Variants in RAD51B observed in about 807,000 individuals in gnomAD.
RAD51B encodes the protein RAD51 paralog B.
A neutral mutation model predicts 42.2 loss-of-function variants in RAD51B; 38 were observed. That is an observed-to-expected ratio of 0.90 (90% confidence interval 0.70 to 1.18). The LOEUF is 1.18. RAD51B is among the 50% of genes most tolerant of loss of function. The pLI, the probability that RAD51B is intolerant of heterozygous loss-of-function variation, is 0.00. For synonymous variants in RAD51B, 154 were observed against 145.2 expected, an observed-to-expected ratio of 1.06 and a Z score of -0.43; for missense variants, 373 against 400.7, an observed-to-expected ratio of 0.93 and a Z score of 0.59.
chr14:68,401,113 A>G (rs1026759901), intron 8 of RAD51B, among the ~76,000 whole-genome samples: 2 of 152,224 alleles, frequency 1.3e-5, no homozygotes, highest in Non-Finnish European at 2.9e-5. Context: ...CAGACACAGC[A>G]GAGAATCCTA....
At chr14:68,031,018 G>A (rs2076033034) in intron 7 of RAD51B, among the ~76,000 whole-genome samples, 1 of 152,228 alleles carries the variant, frequency 6.6e-6, no homozygotes, top group Non-Finnish European at 1.5e-5. Context: ...CTTATAAGGT[G>A]TGTTTGATAG....
At chr14:68,503,521 C>T (rs192858688) in intron 10 of RAD51B, among the ~76,000 whole-genome samples, 58 of 152,262 alleles carry the variant, frequency 3.8e-4, no homozygotes, top group African/African-American at 1.3e-3. Context: ...TATTACCTTA[C>T]CCTGGGAGAT....
At chr14:68,623,058 G>A (rs1281528752) in intron 10 of RAD51B, among the ~76,000 whole-genome samples, 3 of 152,204 alleles carry the variant, frequency 2.0e-5, no homozygotes, top group African/African-American at 7.2e-5. Context: ...CGGGAGGCAA[G>A]GGGAGAATAG....
At chr14:68,262,202 T>C (rs1200265752) in intron 7 of RAD51B, among the ~76,000 whole-genome samples, 1 of 152,070 alleles carries the variant, frequency 6.6e-6, no homozygotes, top group Non-Finnish European at 1.5e-5. Flanking sequence ...AGAGTAGCAG[T>C]GTGGAAAGAG....
intron 10 of RAD51B, among the ~76,000 whole-genome samples, chr14:68,621,015 G>A (rs1343036472): frequency 1.3e-5 from 2 of 152,214 alleles, no homozygotes; most frequent in Admixed American, 1.3e-4. Context: ...GGAGACTGGA[G>A]GGGACGGGGC....
chr14:68,165,233 TTTTAAAATCAC>T (rs1391814744), intron 7 of RAD51B, among the ~76,000 whole-genome samples: 1 of 152,166 alleles, frequency 6.6e-6, no homozygotes, highest in Non-Finnish European at 1.5e-5. Flanking sequence ...TGTATGGAGA[TTTTAAAATCAC>T]TTTAAAATGA....
At chr14:68,121,950 CTT>C (rs1491430397) in intron 7 of RAD51B, among the ~76,000 whole-genome samples, 3 of 151,514 alleles carry the variant, frequency 2.0e-5, no homozygotes, top group African/African-American at 7.3e-5. Flanking sequence ...ATATACATAT[CTT>C]ATATATATAT....
intron 10 of RAD51B, among the ~76,000 whole-genome samples, chr14:68,536,786 A>C (rs1887645313): frequency 6.6e-6 from 1 of 152,062 alleles, no homozygotes; most frequent in Non-Finnish European, 1.5e-5. Context: ...TTCTTTCATT[A>C]AAAATTGAGA....
intron 7 of RAD51B, among the ~76,000 whole-genome samples, chr14:68,012,526 A>G (rs1159737549): frequency 1.3e-5 from 2 of 152,136 alleles, no homozygotes; most frequent in Admixed American, 6.6e-5. Context: ...AGTTTGCCAA[A>G]CCCTGGTCTA....
intron 5 of RAD51B, 178 bp from the exon 6 acceptor site, chr14:67,885,691 C>A: frequency 1.5e-6 from 1 of 650,038 alleles, no homozygotes; most frequent in Non-Finnish European, 2.2e-6. Flanking sequence ...GACTGCTAAC[C>A]TCTGTTAGTG....
At chr14:68,627,458 TC>T (rs1892112500) in intron 10 of RAD51B, 2 of 152,318 alleles carry the variant, frequency 1.3e-5, no homozygotes, top group Admixed American at 1.3e-4. Flanking sequence ...CTCCTTTGAG[TC>T]CTTGCACTCC....
At chr14:68,060,610 AT>A (rs2076552114) in intron 7 of RAD51B, among the ~76,000 whole-genome samples, 1 of 152,158 alleles carries the variant, frequency 6.6e-6, no homozygotes, top group African/African-American at 2.4e-5. Context: ...AGATCTTGAA[AT>A]TTTCGTCCAA....
At chr14:68,569,627 C>G (rs555595356) in intron 10 of RAD51B, among the ~76,000 whole-genome samples, 1 of 152,226 alleles carries the variant, frequency 6.6e-6, no homozygotes, top group Non-Finnish European at 1.5e-5. Flanking sequence ...CTATGGGACA[C>G]CTCTGCCCGC....
chr14:68,673,838 CAT>C (rs1202998955), intron 11 of RAD51B, among the ~76,000 whole-genome samples: 1 of 149,954 alleles, frequency 6.7e-6, no homozygotes, highest in African/African-American at 2.5e-5. Flanking sequence ...TGTACATACA[CAT>C]ATGTACATGC....
chr14:68,409,047 T>C (rs1202892589), intron 8 of RAD51B, among the ~76,000 whole-genome samples: 1 of 151,860 alleles, frequency 6.6e-6, no homozygotes, highest in African/African-American at 2.4e-5. Flanking sequence ...GGCCAGTGGG[T>C]GTGGGATTTC....
intron 4 of RAD51B, among the ~76,000 whole-genome samples, chr14:67,853,265 G>C (rs560659999): frequency 2.0e-5 from 3 of 152,334 alleles, no homozygotes; most frequent in African/African-American, 7.2e-5. Flanking sequence ...GCTCAGCTGA[G>C]ATCTTGATTT....
At chr14:68,673,114 CA>C (rs1161891951) in intron 11 of RAD51B, among the ~76,000 whole-genome samples, 17 of 152,138 alleles carry the variant, frequency 1.1e-4, no homozygotes, top group Non-Finnish European at 4.4e-5. Context: ...GGCCCAAGTC[CA>C]ACATTTAGAA....
At chr14:68,645,525 T>G (rs757722132) in intron 10 of RAD51B, among the ~76,000 whole-genome samples, 1 of 152,228 alleles carries the variant, frequency 6.6e-6, no homozygotes, top group Non-Finnish European at 1.5e-5. Context: ...GAAGTGGAAT[T>G]GCTGGATTCT....
chr14:68,326,642 T>C (rs1019414361), intron 8 of RAD51B, among the ~76,000 whole-genome samples: 1 of 152,222 alleles, frequency 6.6e-6, no homozygotes, highest in Non-Finnish European at 1.5e-5. Flanking sequence ...TCAACTCTAA[T>C]ACAAATAGTA....
Sources: allele counts gnomAD v4.1 joint callset (sites outside exome capture counted in the v4.1 genomes callset), GRCh38; gene constraint gnomAD v4.1.1; transcripts MANE v1.5; gene names NCBI Gene and HGNC (gene_info 2026-07-23, HGNC 2026-07-21).